NCALD: variants seen among roughly 807,000 people sequenced by gnomAD.
NCALD encodes the protein neurocalcin-delta.
NCALD carries 10 observed loss-of-function variants against 18.6 expected under a neutral mutation model. That is an observed-to-expected ratio of 0.54 (90% confidence interval 0.33 to 0.91). The LOEUF is 0.91. NCALD is among the 40% of genes least tolerant of loss of function. NCALD has a pLI of 0.03. For synonymous variants in NCALD, 88 were observed against 87.4 expected (o/e 1.01, Z -0.04); for missense variants, 184 against 247.6 (o/e 0.74, Z 1.72).
chr8:102,073,497 T>C (rs1824245718), intron 1 of NCALD, among the ~76,000 whole-genome samples: 1 of 151,808 alleles, frequency 6.6e-6, no homozygotes, highest in South Asian at 2.1e-4. Flanking sequence ...AGAAATTATA[T>C]GAAATGGCAG....
intron 1 of NCALD, among the ~76,000 whole-genome samples, chr8:101,746,833 A>G (rs1810444558): frequency 6.6e-6 from 1 of 152,138 alleles, no homozygotes; most frequent in Non-Finnish European, 1.5e-5. Context: ...GCTAAGGTTC[A>G]TTTCTCACTT....
intron 1 of NCALD, among the ~76,000 whole-genome samples, chr8:101,778,089 T>G (rs1811866786): frequency 1.3e-5 from 2 of 152,182 alleles, no homozygotes; most frequent in South Asian, 4.1e-4. Context: ...AGGCAGTACA[T>G]AAAAGTAGTT....
intron 4 of NCALD, among the ~76,000 whole-genome samples, chr8:101,884,071 C>T (rs934126371): frequency 1.3e-4 from 20 of 152,152 alleles, no homozygotes; most frequent in African/African-American, 3.1e-4. Flanking sequence ...ATAGGATGCC[C>T]GCCTTGCTCT....
chr8:101,812,693 A>G (rs1002081388), intron 4 of NCALD, among the ~76,000 whole-genome samples: 11 of 152,182 alleles, frequency 7.2e-5, no homozygotes, highest in African/African-American at 2.4e-4. Context: ...TTGAGTAACA[A>G]TGGAACCTTC....
chr8:101,691,104 C>T lies in NCALD; in HGVS notation c.484+1687G>A, dbSNP rs113392844. On this transcript the variant is annotated intron_variant, in intron 3 of 3. Transcript: ENST00000220931. ...GACTCTAGGTGAGGACTGCTCTGCT[C>T]TCGGCAGGGAGGGGTGCAGGTGTCC... 15 of 985,332 alleles carry T rather than the reference C, an allele frequency of 1.5e-5. No homozygotes were observed. In the African/African-American group the frequency reaches 2.3e-4, roughly 15 times the overall value. 61.0% of individuals were successfully genotyped at this position (985,332 alleles called of 1,614,324 possible).
chr8:102,007,753 C>T (rs890813521), intron 2 of NCALD, among the ~76,000 whole-genome samples: 2 of 152,208 alleles, frequency 1.3e-5, no homozygotes, highest in African/African-American at 4.8e-5. Flanking sequence ...CCTCCTCCCT[C>T]TGAGATTAAG....
At chr8:101,728,079 C>A (rs946781437) in intron 1 of NCALD, among the ~76,000 whole-genome samples, 9 of 152,060 alleles carry the variant, frequency 5.9e-5, no homozygotes, top group African/African-American at 2.2e-4. Context: ...GAGAAGACAC[C>A]AAATCACCAA....
At chr8:101,935,230 G>C (rs1034776987) in intron 2 of NCALD, among the ~76,000 whole-genome samples, 1 of 151,858 alleles carries the variant, frequency 6.6e-6, no homozygotes, top group African/African-American at 2.4e-5. Flanking sequence ...TAATGATGAA[G>C]TAGGAGACAG....
At chr8:102,007,116 T>A (rs1188686617) in intron 2 of NCALD, among the ~76,000 whole-genome samples, 1 of 152,182 alleles carries the variant, frequency 6.6e-6, no homozygotes, top group East Asian at 1.9e-4. Context: ...ATATGAGGAC[T>A]AAATGTAATG....
chr8:101,747,322 T>C (rs1810467568), intron 1 of NCALD, among the ~76,000 whole-genome samples: 1 of 152,178 alleles, frequency 6.6e-6, no homozygotes, highest in Admixed American at 6.5e-5. Flanking sequence ...CTAGAAGCCT[T>C]TGGGGAAAGA....
chr8:101,713,872 T>C (rs976231989), intron 2 of NCALD, among the ~76,000 whole-genome samples: 2 of 152,172 alleles, frequency 1.3e-5, no homozygotes, highest in African/African-American at 2.4e-5. Flanking sequence ...GCTTGCACCA[T>C]TCCTTCTGAA....
chr8:101,800,888 G>A (rs1255469415), intron 4 of NCALD, among the ~76,000 whole-genome samples: 16 of 78,042 alleles, frequency 2.1e-4, no homozygotes, highest in Admixed American at 3.6e-4. Context: ...GGAGAGGGGA[G>A]GGGAGAGGGG....
intron 2 of NCALD, among the ~76,000 whole-genome samples, chr8:101,935,566 A>G (rs1020059905): frequency 6.6e-6 from 1 of 152,178 alleles, no homozygotes; most frequent in African/African-American, 2.4e-5. Context: ...AAAGTTCAGC[A>G]GGATGAGATC....
chr8:101,755,181 T>TTAAAGTTAAA (rs1810824274), intron 1 of NCALD, among the ~76,000 whole-genome samples: 1 of 152,240 alleles, frequency 6.6e-6, no homozygotes, highest in African/African-American at 2.4e-5. Context: ...AATAATGCAC[T>TTAAAGTTAAA]GTTCACAGTT....
At chr8:101,930,220 GATGC>G (rs1818522224) in intron 2 of NCALD, among the ~76,000 whole-genome samples, 1 of 151,884 alleles carries the variant, frequency 6.6e-6, no homozygotes, top group African/African-American at 2.4e-5. Context: ...TTAACTACCA[GATGC>G]ATGTATACAT....
chr8:102,007,502 C>T (rs1224784530), intron 2 of NCALD, among the ~76,000 whole-genome samples: 5 of 152,160 alleles, frequency 3.3e-5, no homozygotes, highest in Middle Eastern at 3.2e-3. Flanking sequence ...AATGTTAGCT[C>T]TGGTAGGGAT....
chr8:102,003,925 C>A lies in NCALD; in HGVS notation c.-157+16312G>T, dbSNP rs1480494986. ...TGACAAACGCACAGCCAATATCATA[C>A]TGAATGGGCAAAAACTGGAAGCATT... is the stretch of plus-strand genomic sequence containing the variant. On this transcript the variant is annotated intron_variant, in intron 2 of 6. Transcript: ENST00000311028. 2.0e-5 allele frequency among the ~76,000 whole-genome samples: 3 copies of A among 151,970 alleles called. No individual in the cohort carries two copies. The East Asian group carries it at 5.8e-4, about 29-fold the overall frequency.
At chr8:102,017,227 T>C (rs1020655104) in intron 2 of NCALD, among the ~76,000 whole-genome samples, 3 of 152,138 alleles carry the variant, frequency 2.0e-5, no homozygotes, top group African/African-American at 7.2e-5. Flanking sequence ...TTTTTCAATA[T>C]GTGATGCTCA....
At chr8:101,986,071 C>T (rs905249947) in intron 2 of NCALD, among the ~76,000 whole-genome samples, 1 of 152,022 alleles carries the variant, frequency 6.6e-6, no homozygotes, top group Admixed American at 6.6e-5. Flanking sequence ...CAGAGTATCA[C>T]TCTGTCGCCC....
Sources: gnomAD v4.1 joint callset for allele counts (sites outside exome capture counted in the v4.1 genomes callset) on GRCh38, gnomAD v4.1.1 for gene constraint, MANE v1.5 for transcripts, NCBI Gene and HGNC (gene_info 2026-07-23, HGNC 2026-07-21) for gene names.